Variants in CDH12 observed in about 807,000 individuals in gnomAD.
CDH12 encodes cadherin-12.
In CDH12, 41 loss-of-function variants were observed where a neutral mutation model predicts 74.1. That is an observed-to-expected ratio of 0.55 (90% CI 0.43 to 0.72). CDH12 has a LOEUF of 0.72. Among genes scored for constraint, CDH12 ranks in the 30% least tolerant of loss-of-function variants. The pLI is 0.00. For missense variants in CDH12, 945 were observed against 977.2 expected (o/e 0.97, Z 0.44); for synonymous variants, 399 against 355.0 (o/e 1.12, Z -1.39).
intron 5 of CDH12, among the ~76,000 whole-genome samples, chr5:22,008,757 C>T (rs1292382890): frequency 6.6e-6 from 1 of 152,012 alleles, no homozygotes; most frequent in Non-Finnish European, 1.5e-5. Flanking sequence ...TTTGCATGTC[C>T]CAGATATCTG....
intron 5 of CDH12, among the ~76,000 whole-genome samples, chr5:22,034,368 G>A (rs1739027846): frequency 6.6e-6 from 1 of 152,152 alleles, no homozygotes; most frequent in Admixed American, 6.6e-5. Context: ...TAAAAGATTA[G>A]AACATTATTT....
intron 1 of CDH12, among the ~76,000 whole-genome samples, chr5:22,765,801 A>G (rs933911115): frequency 1.3e-5 from 2 of 151,860 alleles, no homozygotes; most frequent in Non-Finnish European, 2.9e-5. Flanking sequence ...ATGTTCTCAG[A>G]GTATATAGAG....
chr5:21,960,656 C>T (rs1004770125), intron 6 of CDH12, among the ~76,000 whole-genome samples: 21 of 152,100 alleles, frequency 1.4e-4, no homozygotes, highest in South Asian at 8.3e-4. Flanking sequence ...ATGTATTCCT[C>T]ACCTTTACTG....
At chr5:21,925,757 CA>C in intron 6 of CDH12, among the ~76,000 whole-genome samples, 1 of 152,016 alleles carries the variant, frequency 6.6e-6, no homozygotes, top group Non-Finnish European at 1.5e-5. Context: ...TATTACGGGA[CA>C]TTGTTCCTTA....
intron 3 of CDH12, among the ~76,000 whole-genome samples, chr5:22,345,629 T>C (rs1242233600): frequency 6.6e-6 from 1 of 152,222 alleles, no homozygotes; most frequent in Non-Finnish European, 1.5e-5. Flanking sequence ...CAATAGCTAG[T>C]TCTATTTGAG....
intron 1 of CDH12, among the ~76,000 whole-genome samples, chr5:22,579,436 T>C (rs1003571126): frequency 6.6e-6 from 1 of 152,174 alleles, no homozygotes; most frequent in Non-Finnish European, 1.5e-5. Flanking sequence ...AGTGAATAGT[T>C]CCCTCACTAA....
intron 3 of CDH12, among the ~76,000 whole-genome samples, chr5:22,323,783 T>C (rs886614038): frequency 6.6e-6 from 1 of 152,046 alleles, no homozygotes; most frequent in East Asian, 1.9e-4. Context: ...TGCTTTGCTT[T>C]AAGTTATAGA....
intron 3 of CDH12, among the ~76,000 whole-genome samples, chr5:22,274,718 G>A (rs1736549292): frequency 6.6e-6 from 1 of 152,054 alleles, no homozygotes; most frequent in African/African-American, 2.4e-5. Flanking sequence ...ACCCAGTGCA[G>A]TAAGAGTCTT....
At chr5:22,801,304 T>TCGTA (rs1381230694) in intron 1 of CDH12, among the ~76,000 whole-genome samples, 1 of 152,078 alleles carries the variant, frequency 6.6e-6, no homozygotes. Context: ...AAATTAGGCT[T>TCGTA]CGTAGGTAGC....
intron 2 of CDH12, among the ~76,000 whole-genome samples, chr5:22,495,257 A>G (rs2126646804): frequency 6.6e-6 from 1 of 152,330 alleles, no homozygotes; most frequent in South Asian, 2.1e-4. Context: ...CTGCCTCATC[A>G]TATGCAGCAA....
intron 1 of CDH12, among the ~76,000 whole-genome samples, chr5:22,803,341 T>TA (rs1748630863): frequency 6.6e-6 from 1 of 152,118 alleles, no homozygotes; most frequent in Non-Finnish European, 1.5e-5. Flanking sequence ...GTAAAATTTC[T>TA]AAAAAAGGGA....
intron 4 of CDH12, among the ~76,000 whole-genome samples, chr5:22,079,804 G>T (rs1046474465): frequency 6.6e-5 from 10 of 151,232 alleles, no homozygotes; most frequent in African/African-American, 2.4e-4. Flanking sequence ...TTAATTATGT[G>T]GTAGATAAAA....
chr5:21,784,440 G>T (rs1173595463), intron 10 of CDH12, among the ~76,000 whole-genome samples: 4 of 152,120 alleles, frequency 2.6e-5, no homozygotes, highest in Non-Finnish European at 5.9e-5. Flanking sequence ...AAAGCATAGA[G>T]ACATGAAGGA....
chr5:22,329,909 T>C (rs920758620), intron 3 of CDH12, among the ~76,000 whole-genome samples: 10 of 152,128 alleles, frequency 6.6e-5, no homozygotes, highest in African/African-American at 2.4e-4. Flanking sequence ...CTAGGTAAAC[T>C]TGAAAGCCAG....
intron 3 of CDH12, among the ~76,000 whole-genome samples, chr5:22,305,574 C>T (rs966974586): frequency 2.0e-5 from 3 of 152,094 alleles, no homozygotes; most frequent in Admixed American, 2.0e-4. Flanking sequence ...GTGCCTGGGC[C>T]ATTGTATCTC....
chr5:21,984,137 T>C (rs1757420643), intron 5 of CDH12, among the ~76,000 whole-genome samples: 1 of 152,034 alleles, frequency 6.6e-6, no homozygotes, highest in Non-Finnish European at 1.5e-5. Flanking sequence ...TAATTTGAAG[T>C]TTTGAGTTTT....
intron 6 of CDH12, among the ~76,000 whole-genome samples, chr5:21,936,481 G>C (rs1755079396): frequency 6.6e-6 from 1 of 152,054 alleles, no homozygotes; most frequent in Non-Finnish European, 1.5e-5. Flanking sequence ...GGCATACAAA[G>C]ATGAATATAG....
chr5:22,248,434 C>T (rs190190859), intron 3 of CDH12, among the ~76,000 whole-genome samples: 7 of 152,146 alleles, frequency 4.6e-5, no homozygotes, highest in Admixed American at 4.6e-4. Flanking sequence ...TGAACAATTT[C>T]AGGGGATATT....
intron 5 of CDH12, among the ~76,000 whole-genome samples, chr5:21,996,928 G>C: frequency 6.6e-6 from 1 of 152,078 alleles, no homozygotes. Flanking sequence ...TTAGTAGATA[G>C]AAGCGTCATT....
Sources: gnomAD v4.1 joint callset for allele counts (sites outside exome capture counted in the v4.1 genomes callset) on GRCh38, gnomAD v4.1.1 for gene constraint, MANE v1.5 for transcripts, NCBI Gene and HGNC (gene_info 2026-07-23, HGNC 2026-07-21) for gene names.